ARAP1: variants seen among roughly 807,000 people sequenced by gnomAD.
ARAP1 encodes ArfGAP with RhoGAP domain, ankyrin repeat and PH domain 1.
ARAP1 carries 76 observed loss-of-function variants against 172.2 expected under a neutral mutation model. The observed-to-expected ratio is 0.44, with a 90% confidence interval of 0.37 to 0.53. ARAP1 has a LOEUF of 0.53. Ranked by LOEUF, ARAP1 falls within the 20% of genes least tolerant of loss-of-function variation. ARAP1 has a pLI of 0.00. For synonymous variants in ARAP1, 804 were observed against 803.3 expected (o/e 1.00, Z -0.01); for missense variants, 1,686 against 1,977.5 (o/e 0.85, Z 2.80).
chr11:72,697,195 C>T lies in ARAP1; in HGVS notation c.2954G>A (p.Gly985Asp). The change falls in exon 22 of 35, where the codon GGC becomes GAC. Residue 985 changes from glycine to aspartate, a missense_variant and splice_region_variant. Physicochemically the swap from Gly to Asp is moderately conservative, Grantham distance 94. Around this residue, in one of 5 missense-constraint regions of ARAP1, gnomAD observed 274 missense variants for 262.7 expected, o/e 1.04. Coordinates refer to ENST00000393609, the MANE Select transcript of ARAP1 (RefSeq NM_001040118.3). ...YRCVDYITQC[G>D]LTSEGIYRKC... ...GCGGTAGATGCCCTCGGAGGTCAGG[C>T]CTAGGGAGGGGCGGGGCCAAGCGTT... is the stretch of plus-strand genomic sequence containing the variant. 1.9e-6 allele frequency: 3 copies of T among 1,600,974 alleles called. No homozygotes were observed. The highest frequency in any genetic ancestry group is 2.5e-6 in the Non-Finnish European group (3 of 1,178,542).
intron 1 of ARAP1, among the ~76,000 whole-genome samples, chr11:72,739,165 G>A (rs936868902): frequency 6.6e-6 from 1 of 152,158 alleles, no homozygotes; most frequent in African/African-American, 2.4e-5. Context: ...GCCTTCGAGT[G>A]GGCAGCTGAC....
chr11:72,704,127 G>A, intron 14 of ARAP1, 25 bp downstream of exon 14: 1 of 1,613,860 alleles, frequency 6.2e-7, no homozygotes, highest in Non-Finnish European at 8.5e-7. Context: ...GGTCCCAAGG[G>A]GCCCCAGAGC....
At chr11:72,697,692 G>A in intron 19 of ARAP1, 43 bp from the exon 20 acceptor site, 11 of 1,611,398 alleles carry the variant, frequency 6.8e-6, no homozygotes, top group Non-Finnish European at 8.5e-6. Context: ...TCTTGCTCCT[G>A]ATCCCCAACC....
At chr11:72,751,813 AC>A (rs1353985423) in intron 1 of ARAP1, among the ~76,000 whole-genome samples, 2 of 151,600 alleles carry the variant, frequency 1.3e-5, no homozygotes, top group African/African-American at 4.9e-5. Flanking sequence ...TCCCAGCGTG[AC>A]CCCATTCCCT....
Position 72,741,074 on chromosome 11 carries a change from C to CACCACATACCCCTGGCCCT in ARAP1, c.-127-8478_-127-8477insAGGGCCAGGGGTATGTGGT, listed in dbSNP as rs1479096685. 1.3e-5 allele frequency among the ~76,000 whole-genome samples: 2 copies of CACCACATACCCCTGGCCCT among 152,184 alleles called. No individual in the cohort carries two copies. The highest frequency in any genetic ancestry group is 4.8e-5 in the African/African-American group (2 of 41,440). On this transcript the variant is annotated intron_variant, in intron 1 of 34. Coordinates refer to ENST00000393609, the MANE Select transcript of ARAP1 (RefSeq NM_001040118.3). This position sits in a 1 kb window ranked among gnomAD's most constrained non-coding sequence, Gnocchi z 4.5. ...ATCACATACTATGCCCCTCTGGCCC[C>CACCACATACCCCTGGCCCT]ACCACATACCCCCGACCCCTAATGG...
chr11:72,703,610 G>T (rs1488787423), intron 14 of ARAP1, among the ~76,000 whole-genome samples: 1 of 152,210 alleles, frequency 6.6e-6, no homozygotes, highest in South Asian at 2.1e-4. Context: ...TGCCTGGGAG[G>T]GGCGGTTTGG....
intron 30 of ARAP1, among the ~76,000 whole-genome samples, chr11:72,691,674 T>C (rs1855937972): frequency 6.6e-6 from 1 of 152,108 alleles, no homozygotes; most frequent in Non-Finnish European, 1.5e-5. Context: ...CCTCAGGAAA[T>C]GCAAGGGGCA....
intron 1 of ARAP1, among the ~76,000 whole-genome samples, chr11:72,738,866 C>A (rs1181179162): frequency 6.6e-6 from 1 of 152,216 alleles, no homozygotes; most frequent in East Asian, 1.9e-4. Flanking sequence ...ACACACAGCT[C>A]CTACCAGCAA....
chr11:72,693,841 C>A lies in ARAP1; in HGVS notation c.3695-36G>T. ...GTCACACCTACCGTCACTGGGACCA[C>A]ATGGCCCGATACCACCAAAGGCTGG... On this transcript the variant is annotated intron_variant, in intron 27 of 34. Coordinates refer to ENST00000393609, the MANE Select transcript of ARAP1 (RefSeq NM_001040118.3). The surrounding 1 kb of genome is among the most constrained non-coding windows in gnomAD (Gnocchi z 4.6). 1 of 1,531,428 alleles carries A rather than the reference C, an allele frequency of 6.5e-7. No individual in the cohort carries two copies. The highest frequency in any genetic ancestry group is 8.8e-7 in the Non-Finnish European group (1 of 1,132,282). The allele number at this position is 1,531,428 out of a possible 1,614,324, so 94.9% of individuals were successfully genotyped here.
intron 1 of ARAP1, among the ~76,000 whole-genome samples, chr11:72,733,182 AG>A (rs1363910060): frequency 6.6e-6 from 1 of 152,128 alleles, no homozygotes; most frequent in African/African-American, 2.4e-5. Flanking sequence ...GGTGGTAAAG[AG>A]GAGTCAGGAC....
At chr11:72,716,172 C>CAAAAA (rs201462857) in intron 3 of ARAP1, among the ~76,000 whole-genome samples, 1 of 73,298 alleles carries the variant, frequency 1.4e-5, no homozygotes, top group South Asian at 4.5e-4. Flanking sequence ...GACTCCGTCT[C>CAAAAA]AAAAAAAAAA....
intron 3 of ARAP1, among the ~76,000 whole-genome samples, chr11:72,721,492 C>T (rs1180580828): frequency 1.3e-5 from 2 of 152,066 alleles, no homozygotes; most frequent in Non-Finnish European, 2.9e-5. Flanking sequence ...CAGCACCAGG[C>T]CCCCAAGGGG....
Position 72,695,333 on chromosome 11 carries a change from T to C in ARAP1, c.3576+54A>G. ...CTGCTCCCCTGGCCATCTGAGCCTG[T>C]ACCTGGCCCAGCCTGATTCTCTAGC... On this transcript the variant is annotated intron_variant, in intron 26 of 34. Transcript: ENST00000393609. The surrounding 1 kb of genome is among the most constrained non-coding windows in gnomAD (Gnocchi z 4.4). The C allele has an allele frequency of 1.6e-5, 26 of 1,609,714 alleles. No homozygotes were observed. The highest frequency in any genetic ancestry group is 2.2e-5 in the Non-Finnish European group (26 of 1,176,432).
At chr11:72,720,677 C>A (rs548879861) in intron 3 of ARAP1, among the ~76,000 whole-genome samples, 3 of 152,186 alleles carry the variant, frequency 2.0e-5, no homozygotes, top group Non-Finnish European at 4.4e-5. Context: ...GCGCCTTCAC[C>A]CAGCTCTCAG....
intron 11 of ARAP1, among the ~76,000 whole-genome samples, chr11:72,708,733 T>G (rs766077512): frequency 5.9e-5 from 9 of 151,894 alleles, no homozygotes; most frequent in Non-Finnish European, 1.2e-4. Context: ...TGGGGCCAGA[T>G]GGGGTAAAAA....
chr11:72,743,754 C>A (rs994542463), intron 1 of ARAP1, among the ~76,000 whole-genome samples: 6 of 152,096 alleles, frequency 3.9e-5, no homozygotes, highest in Non-Finnish European at 7.4e-5. Flanking sequence ...ATGCCCTCAC[C>A]CACACAGGGG....
chr11:72,706,077 G>A (rs1287165772), intron 12 of ARAP1, among the ~76,000 whole-genome samples, 187 bp from the exon 13 acceptor site: 2 of 152,186 alleles, frequency 1.3e-5, no homozygotes, highest in Non-Finnish European at 2.9e-5. Flanking sequence ...ACTGAGCCCC[G>A]TAATCCTTGC....
intron 2 of ARAP1, 95 bp from the exon 3 acceptor site, chr11:72,727,267 A>G: frequency 8.8e-7 from 1 of 1,137,146 alleles, no homozygotes; most frequent in Non-Finnish European, 1.2e-6. Context: ...CCATAGGTTC[A>G]AGTTCTGTCC....
At chr11:72,711,922 C>G (rs1310256653) in intron 7 of ARAP1, among the ~76,000 whole-genome samples, 1 of 152,116 alleles carries the variant, frequency 6.6e-6, no homozygotes, top group Non-Finnish European at 1.5e-5. Flanking sequence ...GTCTCAAACT[C>G]CTGGCCTCAA....
Sources: gnomAD v4.1 joint callset for allele counts (sites outside exome capture counted in the v4.1 genomes callset) on GRCh38, gnomAD v4.1.1 for gene constraint, gnomAD v4.1.1 regional missense constraint, Gnocchi (gnomAD v3.1) non-coding constraint, MANE v1.5 for transcripts, NCBI Gene and HGNC (gene_info 2026-07-23, HGNC 2026-07-21) for gene names.